GLG1: variants seen among roughly 807,000 people sequenced by gnomAD.
GLG1 encodes Golgi apparatus protein 1.
In GLG1, 38 loss-of-function variants were observed where a neutral mutation model predicts 160.5. That is an observed-to-expected ratio of 0.24 (90% CI 0.18 to 0.31). The LOEUF (loss-of-function observed/expected upper bound fraction) is 0.31. Ranked by LOEUF, GLG1 falls within the 10% of genes least tolerant of loss-of-function variation. The pLI, the probability that GLG1 is intolerant of heterozygous loss-of-function variation, is 1.00. For missense variants in GLG1, 1,373 were observed against 1,505.2 expected, an observed-to-expected ratio of 0.91 and a Z score of 1.45; for synonymous variants, 644 against 543.4, an observed-to-expected ratio of 1.19 and a Z score of -2.57.
chr16:74,474,036 C>G (rs1023368296), intron 13 of GLG1: 41 of 153,972 alleles, frequency 2.7e-4, no homozygotes, highest in Admixed American at 8.4e-4. Context: ...TTACTGCAAC[C>G]TCCGCCTCCC....
intron 8 of GLG1, among the ~76,000 whole-genome samples, chr16:74,489,183 G>C (rs2015894402): frequency 6.6e-6 from 1 of 151,946 alleles, no homozygotes; most frequent in Admixed American, 6.6e-5. Flanking sequence ...TAAAAAGACA[G>C]GTTTAGGCCG....
intron 1 of GLG1, among the ~76,000 whole-genome samples, chr16:74,579,277 C>T (rs984215417): frequency 9.9e-5 from 15 of 152,120 alleles, no homozygotes; most frequent in South Asian, 4.1e-4. Context: ...GGTGTGGTGG[C>T]ATGCGCCTGT....
At chr16:74,527,885 CTTT>C (rs5817914) in intron 2 of GLG1, among the ~76,000 whole-genome samples, 20 of 104,972 alleles carry the variant, frequency 1.9e-4, no homozygotes, top group Non-Finnish European at 1.4e-4. Context: ...GTGGTTAATT[CTTT>C]TTTTTTTTTT....
intron 1 of GLG1, among the ~76,000 whole-genome samples, chr16:74,594,562 A>G (rs1345946807): frequency 6.6e-6 from 1 of 152,222 alleles, no homozygotes; most frequent in South Asian, 2.1e-4. Flanking sequence ...ACCATCACTT[A>G]GGATCTTTTC....
chr16:74,600,832 T>C (rs1449091512), intron 1 of GLG1, among the ~76,000 whole-genome samples: 1 of 152,074 alleles, frequency 6.6e-6, no homozygotes. Flanking sequence ...CCTAATTTTG[T>C]CTTATTACAC....
intron 15 of GLG1, 148 bp from the exon 16 acceptor site, chr16:74,470,221 T>G: frequency 1.5e-6 from 1 of 648,676 alleles, no homozygotes; most frequent in Non-Finnish European, 2.8e-6. Flanking sequence ...GACCTGCTCA[T>G]CTCTCCAGTA....
intron 2 of GLG1, among the ~76,000 whole-genome samples, chr16:74,525,101 C>T (rs766173666): frequency 1.8e-4 from 27 of 152,148 alleles, no homozygotes; most frequent in Non-Finnish European, 3.5e-4. Flanking sequence ...AATAATGCTG[C>T]TATGAACACT....
At chr16:74,542,389 C>T (rs1028264622) in intron 1 of GLG1, among the ~76,000 whole-genome samples, 11 of 151,996 alleles carry the variant, frequency 7.2e-5, no homozygotes, top group South Asian at 4.1e-4. Context: ...TAGACTAGGC[C>T]GGGCGCGGTG....
intron 16 of GLG1, 93 bp from the exon 17 acceptor site, chr16:74,469,156 C>A (rs967282816): frequency 8.8e-6 from 7 of 792,854 alleles, no homozygotes; most frequent in South Asian, 1.4e-5. Flanking sequence ...ATTAAGAATT[C>A]AAGATGCCCT....
intron 4 of GLG1, 115 bp downstream of exon 4, chr16:74,503,416 T>C: frequency 1.4e-6 from 1 of 730,334 alleles, no homozygotes; most frequent in South Asian, 1.7e-5. Flanking sequence ...ACAAGTTTCT[T>C]CAATTTCAAC....
At chr16:74,515,450 C>T (rs905718813) in intron 2 of GLG1, among the ~76,000 whole-genome samples, 2 of 152,208 alleles carry the variant, frequency 1.3e-5, no homozygotes, top group African/African-American at 4.8e-5. Flanking sequence ...AACTGTCTCT[C>T]AGACCACAGT....
chr16:74,579,455 C>T lies in GLG1; in HGVS notation c.438+27202G>A, dbSNP rs557921917. 1.8e-3 allele frequency among the ~76,000 whole-genome samples: 272 copies of T among 152,216 alleles called. 1 individual carries two copies. Among genetic ancestry groups the T allele is most frequent in the African/African-American group, 6.4e-3 (266 of 41,530 alleles). On this transcript the variant is annotated intron_variant, in intron 1 of 25. Transcript: ENST00000422840. ...AAAAACCCTTGGCCAGGCGCAGTGG[C>T]TCACGTCTGTAATCCCAGCACTTTG...
At chr16:74,458,896 G>A (rs776166253) in intron 23 of GLG1, among the ~76,000 whole-genome samples, 61 of 152,092 alleles carry the variant, frequency 4.0e-4, no homozygotes, top group Non-Finnish European at 7.6e-4. Flanking sequence ...TTATACATAA[G>A]GGAACTATGG....
At chr16:74,561,635 C>CA (rs2018516731) in intron 1 of GLG1, among the ~76,000 whole-genome samples, 1 of 152,158 alleles carries the variant, frequency 6.6e-6, no homozygotes, top group Non-Finnish European at 1.5e-5. Context: ...TTAAGATATG[C>CA]AACTTGAATG....
chr16:74,479,816 T>C (rs2015532850), intron 11 of GLG1, among the ~76,000 whole-genome samples: 1 of 152,156 alleles, frequency 6.6e-6, no homozygotes, highest in Non-Finnish European at 1.5e-5. Flanking sequence ...GACTGAGGTA[T>C]GGAGGTTTCT....
chr16:74,471,639 T>C (rs980618890), intron 14 of GLG1, among the ~76,000 whole-genome samples: 15 of 152,164 alleles, frequency 9.9e-5, no homozygotes, highest in Admixed American at 9.8e-4. Context: ...TAAATGAATA[T>C]GAAATAGTCA....
chr16:74,474,616 TG>T lies in GLG1; in HGVS notation c.1981del (p.Gln661ArgfsTer14). On this transcript the variant is annotated frameshift_variant, in exon 13 of 26. Transcript: ENST00000422840. LOFTEE classifies it high-confidence loss of function. The part of the protein sequence containing the change: ...TETGQELECL[Q>X]DHLDDLVVEC... ...CACCACCAAGTCATCCAGATGGTCC[TG>T]AAGGCACTCCAGCTCCTGCAAATAT... The T allele has an allele frequency of 6.4e-7, 1 of 1,555,564 alleles. No homozygotes were observed. Among genetic ancestry groups the T allele is most frequent in the Non-Finnish European group, 8.9e-7 (1 of 1,126,418 alleles).
At chr16:74,535,055 A>C (rs1487127797) in intron 1 of GLG1, among the ~76,000 whole-genome samples, 4 of 152,204 alleles carry the variant, frequency 2.6e-5, no homozygotes, top group Non-Finnish European at 4.4e-5. Context: ...GAAAAGAGAC[A>C]TGTGGAGCAG....
intron 1 of GLG1, among the ~76,000 whole-genome samples, chr16:74,599,707 G>T (rs977908611): frequency 6.6e-6 from 1 of 151,994 alleles, no homozygotes. Context: ...TACTAAAAAT[G>T]CAAAAAATTA....
Sources: allele counts gnomAD v4.1 joint callset (sites outside exome capture counted in the v4.1 genomes callset), GRCh38; gene constraint gnomAD v4.1.1; transcripts MANE v1.5; gene names NCBI Gene and HGNC (gene_info 2026-07-23, HGNC 2026-07-21).